MSRB3: variants seen among roughly 807,000 people sequenced by gnomAD.
The protein encoded by MSRB3 is methionine-R-sulfoxide reductase B3.
In MSRB3, 13 loss-of-function variants were observed where a neutral mutation model predicts 21.0. The observed-to-expected ratio is 0.62, with a 90% CI of 0.40 to 0.98. The LOEUF (loss-of-function observed/expected upper bound fraction) is 0.98. Ranked by LOEUF, MSRB3 falls within the 50% of genes least tolerant of loss-of-function variation. The probability of loss-of-function intolerance (pLI) is 0.00; values close to 1 mark genes in which losing one functional copy is unlikely to be tolerated. For missense variants in MSRB3, 199 were observed against 230.3 expected (o/e 0.86, Z 0.88); for synonymous variants, 87 against 88.6 (o/e 0.98, Z 0.10).
At position 65,301,115 on chromosome 12, in the gene MSRB3, C is replaced by G. The variant is rs1873304454; in HGVS notation, c.-51-7414C>G. On this transcript the variant is annotated intron_variant, in intron 1 of 6. Transcript: ENST00000308259. ...ATATATACACACACACAGACACACA[C>G]ATACACATACACACAGTACAGGTGC... Among the ~76,000 whole-genome samples, 3 of 152,124 alleles carry G rather than the reference C, an allele frequency of 2.0e-5. No homozygotes were observed. The South Asian group carries it at 6.2e-4, about 32-fold the overall frequency.
At chr12:65,338,397 A>G (rs1875922829) in intron 4 of MSRB3, among the ~76,000 whole-genome samples, 1 of 152,134 alleles carries the variant, frequency 6.6e-6, no homozygotes, top group African/African-American at 2.4e-5. Flanking sequence ...TTGAATATTT[A>G]TTATCTTTGT....
chr12:65,312,776 A>C (rs1162601856), intron 2 of MSRB3, among the ~76,000 whole-genome samples: 1 of 152,116 alleles, frequency 6.6e-6, no homozygotes, highest in Non-Finnish European at 1.5e-5. Flanking sequence ...TTATGGCTCC[A>C]GAGCTTAACA....
chr12:65,315,363 T>C (rs1874223390), intron 2 of MSRB3, among the ~76,000 whole-genome samples: 1 of 152,106 alleles, frequency 6.6e-6, no homozygotes, highest in African/African-American at 2.4e-5. Context: ...AATTTAAAAA[T>C]GCGTGTTATA....
At chr12:65,303,476 A>G (rs1873463073) in intron 1 of MSRB3, among the ~76,000 whole-genome samples, 1 of 152,168 alleles carries the variant, frequency 6.6e-6, no homozygotes, top group Admixed American at 6.5e-5. Context: ...TCTTCATAGG[A>G]ACTAATAATT....
chr12:65,376,118 ATTT>A (rs58214332), intron 5 of MSRB3, among the ~76,000 whole-genome samples: 3 of 131,940 alleles, frequency 2.3e-5, no homozygotes, highest in Non-Finnish European at 1.6e-5. Flanking sequence ...TGAGTTTGTA[ATTT>A]TTTTTTTTTT....
At chr12:65,387,853 T>C (rs1215226633) in intron 5 of MSRB3, among the ~76,000 whole-genome samples, 3 of 152,074 alleles carry the variant, frequency 2.0e-5, no homozygotes, top group Non-Finnish European at 4.4e-5. Context: ...TTTTTTTTCC[T>C]ACAAAAATAA....
chr12:65,433,615 T>A (rs899643212), intron 5 of MSRB3, among the ~76,000 whole-genome samples: 6 of 151,896 alleles, frequency 4.0e-5, no homozygotes, highest in African/African-American at 1.4e-4. Context: ...CCTGCTTCAC[T>A]GTGATGGTCT....
intron 6 of MSRB3, among the ~76,000 whole-genome samples, chr12:65,454,899 G>A (rs1468335091): frequency 6.6e-6 from 1 of 152,212 alleles, no homozygotes; most frequent in Non-Finnish European, 1.5e-5. Flanking sequence ...TGGAATAAGA[G>A]CAGCTGCATA....
chr12:65,331,564 C>T (rs1454380613), intron 4 of MSRB3, among the ~76,000 whole-genome samples: 1 of 152,160 alleles, frequency 6.6e-6, no homozygotes, highest in East Asian at 1.9e-4. Flanking sequence ...CTCTGGGATG[C>T]TGGGGAAAGC....
chr12:65,283,290 A>G lies in MSRB3; in HGVS notation c.-52+4425A>G, dbSNP rs576556135. Among the ~76,000 whole-genome samples, 12 of 152,274 alleles carry G rather than the reference A, an allele frequency of 7.9e-5. 1 individual carries two copies. The South Asian group carries it at 2.3e-3, about 29-fold the overall frequency. ...TGTGACATTTTCTTCATACCACAGA[A>G]TTTGTAATTTCCTTGTGCTTCTAAG... is the stretch of plus-strand genomic sequence containing the variant. On this transcript the variant is annotated intron_variant, in intron 1 of 6. Coordinates refer to ENST00000308259, the MANE Select transcript of MSRB3 (RefSeq NM_001031679.3).
At chr12:65,411,770 T>C (rs1222563304) in intron 5 of MSRB3, among the ~76,000 whole-genome samples, 1 of 148,958 alleles carries the variant, frequency 6.7e-6, no homozygotes, top group Non-Finnish European at 1.5e-5. Flanking sequence ...TATACTAAAA[T>C]ATAATATGTG....
At chr12:65,327,775 T>A (rs936735043) in intron 3 of MSRB3, among the ~76,000 whole-genome samples, 46 of 152,214 alleles carry the variant, frequency 3.0e-4, no homozygotes, top group African/African-American at 1.1e-3. Flanking sequence ...TTTACTGAAT[T>A]TACCAAATGT....
chr12:65,354,102 G>T (rs1044546118), intron 4 of MSRB3, among the ~76,000 whole-genome samples: 1 of 152,052 alleles, frequency 6.6e-6, no homozygotes, highest in Non-Finnish European at 1.5e-5. Flanking sequence ...TCAGCTGTTA[G>T]TCTGATGGGC....
rs1236500341 is a variant in MSRB3 at position 65,359,036 on chromosome 12, G to A, written c.264-9962G>A. 1.3e-5 allele frequency among the ~76,000 whole-genome samples: 2 copies of A among 149,314 alleles called. 1 individual carries two copies. Among genetic ancestry groups the A allele is most frequent in the Admixed American group, 1.3e-4 (2 of 14,882 alleles). On this transcript the variant is annotated intron_variant, in intron 4 of 6. Transcript: ENST00000308259. ...AACTAATGATTTTTAATGTAGTATT[G>A]TCTAAATAGTATTACCTTCCTTACT...
At chr12:65,323,425 T>A (rs1370179471) in intron 2 of MSRB3, among the ~76,000 whole-genome samples, 1 of 152,246 alleles carries the variant, frequency 6.6e-6, no homozygotes, top group African/African-American at 2.4e-5. Context: ...GTGTTATGAT[T>A]AGATACCAAA....
chr12:65,424,354 T>G (rs1881470807), intron 5 of MSRB3, among the ~76,000 whole-genome samples: 1 of 152,066 alleles, frequency 6.6e-6, no homozygotes, highest in Non-Finnish European at 1.5e-5. Context: ...CCTGCTATCT[T>G]TTTGCCTAGT....
chr12:65,302,675 G>A (rs182418115), intron 1 of MSRB3, among the ~76,000 whole-genome samples: 71 of 152,252 alleles, frequency 4.7e-4, no homozygotes, highest in Non-Finnish European at 7.5e-4. Flanking sequence ...TTAACAAAAG[G>A]AATGCCAAAT....
Position 65,383,199 on chromosome 12 carries a change from G to A in MSRB3, c.292+14173G>A, listed in dbSNP as rs750238506. On this transcript the variant is annotated intron_variant, in intron 5 of 6. Coordinates refer to ENST00000308259, the MANE Select transcript of MSRB3 (RefSeq NM_001031679.3). ...ATGAATTTGTAATTTTAATTTACCC[G>A]TGCTCAATTTCACAAATGTTTGTTG... is the stretch of plus-strand genomic sequence containing the variant. Among the ~76,000 whole-genome samples the A allele has an allele frequency of 3.9e-5, 6 of 152,188 alleles. No individual in the cohort carries two copies. In the East Asian group the frequency reaches 9.6e-4, roughly 24 times the overall value.
At chr12:65,361,544 A>G (rs1424061711) in intron 4 of MSRB3, among the ~76,000 whole-genome samples, 1 of 152,146 alleles carries the variant, frequency 6.6e-6, no homozygotes, top group Non-Finnish European at 1.5e-5. Context: ...ATATTTTTAT[A>G]TACCTTTTGC....
Sources: allele counts gnomAD v4.1 joint callset (sites outside exome capture counted in the v4.1 genomes callset), GRCh38; gene constraint gnomAD v4.1.1; transcripts MANE v1.5; gene names NCBI Gene and HGNC (gene_info 2026-07-23, HGNC 2026-07-21).